Variants in RARB observed in about 807,000 individuals in gnomAD.
The protein encoded by RARB is retinoic acid receptor beta, also known as HBV-activated protein.
A neutral mutation model predicts 51.9 loss-of-function variants in RARB; 17 were observed. The ratio of observed to expected loss-of-function variants is 0.33; its 90% CI spans 0.22 to 0.49. RARB has a LOEUF of 0.49. Ranked by LOEUF, RARB falls within the 20% of genes least tolerant of loss-of-function variation. RARB has a pLI of 0.99. For synonymous variants in RARB, 215 were observed against 195.4 expected (o/e 1.10, Z -0.84); for missense variants, 369 against 550.8 (o/e 0.67, Z 3.30).
chr3:24,936,755 T>A lies in RARB; in HGVS notation c.-380+78003T>A, dbSNP rs117348743. On this transcript the variant is annotated intron_variant, in intron 2 of 11. Transcript: ENST00000383772. Reference sequence around the variant, plus strand: ...ATTATAGCACAGTACCATTCTTCTTTGTGTTAGTTCAGATAGCTATAAATT... The same window carrying A: ...ATTATAGCACAGTACCATTCTTCTTAGTGTTAGTTCAGATAGCTATAAATT... 7.7e-4 allele frequency among the ~76,000 whole-genome samples: 118 copies of A among 152,340 alleles called. 2 individuals are homozygous for A. The East Asian group carries it at 0.02, about 26-fold the overall frequency.
At chr3:24,891,894 T>A (rs1032834792) in intron 2 of RARB, among the ~76,000 whole-genome samples, 1 of 152,044 alleles carries the variant, frequency 6.6e-6, no homozygotes, top group Non-Finnish European at 1.5e-5. Context: ...GGTTCAACTT[T>A]CCTAAGCCCC....
intron 3 of RARB, among the ~76,000 whole-genome samples, chr3:25,547,248 C>T (rs911212675): frequency 6.6e-6 from 1 of 152,132 alleles, no homozygotes; most frequent in African/African-American, 2.4e-5. Flanking sequence ...AGCCTCTCTT[C>T]CTCCCTGGGA....
chr3:24,830,780 G>C (rs139128351), intron 1 of RARB, among the ~76,000 whole-genome samples: 1,606 of 152,026 alleles, frequency 0.011, 17 homozygotes, highest in Non-Finnish European at 0.016. Flanking sequence ...AGAAAGACAG[G>C]TGAGGCGGAG....
At chr3:25,007,801 T>C (rs530383965) in intron 2 of RARB, among the ~76,000 whole-genome samples, 1 of 151,948 alleles carries the variant, frequency 6.6e-6, no homozygotes, top group African/African-American at 2.4e-5. Flanking sequence ...CACTGAAAGC[T>C]CTGGAGCTTT....
At chr3:24,941,108 G>A (rs1315081487) in intron 2 of RARB, among the ~76,000 whole-genome samples, 2 of 152,200 alleles carry the variant, frequency 1.3e-5, no homozygotes, top group Admixed American at 6.5e-5. Context: ...TTAGAATGGG[G>A]ATGAGGTAAA....
chr3:25,063,828 T>A (rs1228939943), intron 3 of RARB, among the ~76,000 whole-genome samples: 2 of 151,930 alleles, frequency 1.3e-5, no homozygotes. Flanking sequence ...CACTGGTAGC[T>A]CCTCTTAGTC....
At chr3:25,327,030 C>T in intron 5 of RARB, among the ~76,000 whole-genome samples, 1 of 152,152 alleles carries the variant, frequency 6.6e-6, no homozygotes, top group Middle Eastern at 3.4e-3. Context: ...TGATGTTCCC[C>T]TTCCTGTGTC....
chr3:25,011,275 G>A (rs187043004), intron 2 of RARB, among the ~76,000 whole-genome samples: 2 of 152,090 alleles, frequency 1.3e-5, no homozygotes, highest in African/African-American at 4.8e-5. Flanking sequence ...AAGCAGATCG[G>A]GGGAAGTTGA....
chr3:25,050,361 C>T (rs1174107810), intron 2 of RARB, among the ~76,000 whole-genome samples: 1 of 151,978 alleles, frequency 6.6e-6, no homozygotes, highest in Non-Finnish European at 1.5e-5. Context: ...GTATTTTACC[C>T]AAGGATCAAT....
upstream of RARB, among the ~76,000 whole-genome samples, chr3:25,427,628 G>T (rs1708032449): frequency 6.6e-6 from 1 of 152,176 alleles, no homozygotes; most frequent in Non-Finnish European, 1.5e-5. Context: ...CAAAGTAAAT[G>T]AATCTCGAAA....
At chr3:25,202,548 T>G (rs576989900) in intron 5 of RARB, among the ~76,000 whole-genome samples, 1 of 152,344 alleles carries the variant, frequency 6.6e-6, no homozygotes, top group African/African-American at 2.4e-5. Context: ...TTTAGATCTT[T>G]CCTGCTTTGT....
intron 5 of RARB, chr3:25,324,388 G>T: frequency 6.3e-6 from 1 of 159,254 alleles, no homozygotes. Context: ...TCAAGATGCT[G>T]CCAGACAAAG....
intron 2 of RARB, among the ~76,000 whole-genome samples, chr3:25,008,648 C>G (rs775124238): frequency 2.6e-5 from 4 of 152,064 alleles, no homozygotes; most frequent in African/African-American, 7.2e-5. Context: ...ACAGGATGAT[C>G]ATCATAATCA....
chr3:25,492,726 A>G (rs988236398), intron 2 of RARB, among the ~76,000 whole-genome samples: 2 of 152,096 alleles, frequency 1.3e-5, no homozygotes, highest in African/African-American at 4.8e-5. Context: ...CTTTAGAACC[A>G]TTTTTCTACG....
intron 5 of RARB, among the ~76,000 whole-genome samples, chr3:25,298,969 C>T (rs2125426364): frequency 6.6e-6 from 1 of 152,238 alleles, no homozygotes; most frequent in South Asian, 2.1e-4. Flanking sequence ...AACGTGCATT[C>T]CACATCTAAG....
At chr3:25,434,529 C>CTTTTT (rs140015265) in intron 1 of RARB, among the ~76,000 whole-genome samples, 10 of 123,034 alleles carry the variant, frequency 8.1e-5, no homozygotes, top group Non-Finnish European at 6.5e-5. Flanking sequence ...CTTGGTACTC[C>CTTTTT]TTTTTTTTTT....
intron 2 of RARB, among the ~76,000 whole-genome samples, chr3:25,466,485 C>T (rs539730337): frequency 1.0e-3 from 157 of 152,292 alleles, no homozygotes; most frequent in African/African-American, 3.4e-3. Flanking sequence ...CGTGAGCCAC[C>T]GCTCCCAGCC....
intron 3 of RARB, among the ~76,000 whole-genome samples, chr3:25,106,153 T>C (rs80046008): frequency 0.015 from 2,329 of 152,268 alleles, 64 homozygotes; most frequent in African/African-American, 0.053. Flanking sequence ...CATTAAAAAA[T>C]GAAGGCTGTT....
At chr3:25,281,277 A>G (rs1419710696) in intron 5 of RARB, among the ~76,000 whole-genome samples, 1 of 152,214 alleles carries the variant, frequency 6.6e-6, no homozygotes, top group Non-Finnish European at 1.5e-5. Context: ...CATCTCGTCT[A>G]TTGAAACTGC....
Sources: allele counts gnomAD v4.1 joint callset (sites outside exome capture counted in the v4.1 genomes callset), GRCh38; gene constraint gnomAD v4.1.1; transcripts MANE v1.5; gene names NCBI Gene and HGNC (gene_info 2026-07-23, HGNC 2026-07-21).